The following PSORS1C1 variants were observed in gnomAD, a reference collection of about 807,000 sequenced individuals.
PSORS1C1 encodes psoriasis susceptibility 1 candidate gene 1 protein.
A neutral mutation model predicts 9.4 loss-of-function variants in PSORS1C1; 7 were observed. The observed-to-expected ratio is 0.75, with a 90% CI of 0.42 to 1.40. The LOEUF (loss-of-function observed/expected upper bound fraction) is 1.40. Ranked by LOEUF, PSORS1C1 falls within the 40% of genes most tolerant of loss-of-function variation. PSORS1C1 has a pLI of 0.01. For synonymous variants in PSORS1C1, 63 were observed against 69.4 expected (o/e 0.91, Z 0.46); for missense variants, 146 against 178.1 (o/e 0.82, Z 1.02).
intron 3 of PSORS1C1, among the ~76,000 whole-genome samples, chr6:31,135,842 G>GC (rs919077855): frequency 4.6e-5 from 7 of 152,208 alleles, no homozygotes; most frequent in Admixed American, 6.5e-5. Flanking sequence ...TTTGAGACAA[G>GC]CCCGGGCAAC....
chr6:31,139,399 G>T lies in PSORS1C1; in HGVS notation c.168-242G>T. On this transcript the variant is annotated intron_variant, in intron 5 of 5. Transcript: ENST00000259881. This position sits in a 1 kb window ranked among gnomAD's most constrained non-coding sequence, Gnocchi z 5.2. Reference sequence around the variant, plus strand: ...GCAACTATTGGAAGCCAAAGAATGGGAGCAAACCACGCGATGGGCGTTGGG... The same window carrying T: ...GCAACTATTGGAAGCCAAAGAATGGTAGCAAACCACGCGATGGGCGTTGGG... The T allele has an allele frequency of 1.7e-6, 1 of 594,326 alleles. No individual in the cohort carries two copies. The highest frequency in any genetic ancestry group is 3.0e-6 in the Non-Finnish European group (1 of 333,932). The allele number at this position is 594,326 out of a possible 1,614,324, so 36.8% of individuals were successfully genotyped here.
Position 31,140,010 on chromosome 6 carries a change from A to G in PSORS1C1, c.*78A>G, listed in dbSNP as rs549676441. ...AGTCTGTTAGCCTTTCAGAAGTAAC[A>G]TGTCCAAAATAAAATTTGATTCCTC... is the stretch of plus-strand genomic sequence containing the variant. On this transcript the variant is annotated 3_prime_UTR_variant, in exon 6 of 6. Transcript: ENST00000259881. The surrounding 1 kb of genome is among the most constrained non-coding windows in gnomAD (Gnocchi z 4.6). 9.7e-5 allele frequency: 134 copies of G among 1,374,446 alleles called. No homozygotes were observed. The highest frequency in any genetic ancestry group is 1.3e-4 in the Non-Finnish European group (126 of 989,236). 85.1% of individuals were successfully genotyped at this position (1,374,446 alleles called of 1,614,324 possible).
intron 1 of PSORS1C1, chr6:31,117,828 G>A (rs1244643960): frequency 7.2e-5 from 30 of 414,030 alleles, no homozygotes; most frequent in Non-Finnish European, 9.3e-5. Flanking sequence ...GCTGGGCACA[G>A]TGGCTCACGC....
chr6:31,138,406 C>T, intron 3 of PSORS1C1, 24 bp from the exon 4 acceptor site: 1 of 1,612,514 alleles, frequency 6.2e-7, no homozygotes, highest in Non-Finnish European at 8.5e-7. Context: ...TGGATGGACG[C>T]AGCCTGAACT....
rs1772116110 is a variant in PSORS1C1 at position 31,116,317 on chromosome 6, C to T, written c.-229+1426C>T. 4 of 1,613,834 alleles carry T rather than the reference C, an allele frequency of 2.5e-6. No homozygotes were observed. In the Middle Eastern group the frequency reaches 5.0e-4, roughly 200 times the overall value. ...GCCACTGGATTGGGAACTGGAGCTGCTGCTGAAGGAGCCGGTGCCTGGTGG... is the reference window on the plus strand; with the variant it reads ...GCCACTGGATTGGGAACTGGAGCTGTTGCTGAAGGAGCCGGTGCCTGGTGG... On this transcript the variant is annotated intron_variant, in intron 1 of 5. Transcript: ENST00000259881.
intron 1 of PSORS1C1, among the ~76,000 whole-genome samples, chr6:31,121,527 C>T (rs1358358648): frequency 6.6e-6 from 1 of 152,188 alleles, no homozygotes; most frequent in Non-Finnish European, 1.5e-5. Flanking sequence ...GTTGGCCTCC[C>T]TCCTGCTCTG....
chr6:31,132,392 C>A (rs1296437138), intron 3 of PSORS1C1, among the ~76,000 whole-genome samples: 2 of 145,078 alleles, frequency 1.4e-5, no homozygotes, highest in Non-Finnish European at 3.1e-5. Flanking sequence ...CATAGTGGCG[C>A]ATGCCTGTAA....
chr6:31,139,957 G>T lies in PSORS1C1; in HGVS notation c.*25G>T, dbSNP rs753921046. The T allele has an allele frequency of 1.3e-6, 2 of 1,591,844 alleles. No homozygotes were observed. Among genetic ancestry groups the T allele is most frequent in the South Asian group, 2.2e-5 (2 of 90,248 alleles). On this transcript the variant is annotated 3_prime_UTR_variant, in exon 6 of 6. Transcript: ENST00000259881. This position sits in a 1 kb window ranked among gnomAD's most constrained non-coding sequence, Gnocchi z 5.2. Reference sequence around the variant, plus strand: ...AGCCTCCCAGAGAGACCCCTAGAACGTTTCCCTCAAGGACCTTTCTGCCTG... The same window carrying T: ...AGCCTCCCAGAGAGACCCCTAGAACTTTTCCCTCAAGGACCTTTCTGCCTG...
In PSORS1C1 at chr6:31,117,015, C is replaced by T. The variant is rs3130983; in HGVS notation, c.-229+2124C>T. On this transcript the variant is annotated intron_variant, in intron 1 of 5. Coordinates refer to ENST00000259881, the MANE Select transcript of PSORS1C1 (RefSeq NM_014068.3). ...GGCCACTGCTGGATACCCCAAAGGT[C>T]TGGGAAGAGGAAGAGCTTTGTCCAG... 0.52 allele frequency: 832,474 copies of T among 1,613,822 alleles called. 220,029 individuals are homozygous for T. Among genetic ancestry groups the T allele is most frequent in the East Asian group, 0.69 (30,726 of 44,854 alleles).
intron 3 of PSORS1C1, among the ~76,000 whole-genome samples, chr6:31,136,185 G>A (rs530348386): frequency 3.3e-5 from 5 of 152,180 alleles, no homozygotes; most frequent in African/African-American, 7.2e-5. Flanking sequence ...TCAGGAATTC[G>A]AGACCAGCCT....
In PSORS1C1 at chr6:31,139,015, G is replaced by A; in HGVS notation, c.167+236G>A. 6.2e-7 allele frequency: 1 copy of A among 1,614,082 alleles called. No individual in the cohort carries two copies. Among genetic ancestry groups the A allele is most frequent in the Non-Finnish European group, 8.5e-7 (1 of 1,179,976 alleles). ...GGACCAGGATCCCCAGGAGCTTCCA[G>A]TTGAGGATCATGGCTATGTACTGGC... is the stretch of plus-strand genomic sequence containing the variant. On this transcript the variant is annotated intron_variant, in intron 5 of 5. Transcript: ENST00000259881. The surrounding 1 kb of genome is among the most constrained non-coding windows in gnomAD (Gnocchi z 5.2).
At chr6:31,132,272 G>C (rs10947138) in intron 3 of PSORS1C1, among the ~76,000 whole-genome samples, 6,690 of 151,992 alleles carry the variant, frequency 0.044, 196 homozygotes, top group South Asian at 0.11. Context: ...CTGTAATCTC[G>C]ACACTTTGGG....
Position 31,116,828 on chromosome 6 carries a change from C to G in PSORS1C1, c.-229+1937C>G, listed in dbSNP as rs757493342. 16 of 1,614,050 alleles carry G rather than the reference C, an allele frequency of 9.9e-6. No homozygotes were observed. The highest frequency in any genetic ancestry group is 1.3e-5 in the Non-Finnish European group (15 of 1,179,978). On this transcript the variant is annotated intron_variant, in intron 1 of 5. Transcript: ENST00000259881. ...GGACCTTGAACCACTCCAGGGGCAC[C>G]AGAACCGTGCTGGTCCACCACCACC...
chr6:31,138,525 C>T (rs28732101), intron 4 of PSORS1C1, 66 bp downstream of exon 4: 74,278 of 1,604,034 alleles, frequency 0.046, 2,073 homozygotes, highest in South Asian at 0.077. Context: ...GGATCTGAAC[C>T]GTTCACTTGA....
At chr6:31,120,277 C>A (rs1316849295) in intron 1 of PSORS1C1, 16 of 1,339,308 alleles carry the variant, frequency 1.2e-5, no homozygotes, top group Non-Finnish European at 1.7e-5. Context: ...TTCGCTGGGT[C>A]CTCTCCCGGA....
chr6:31,138,001 G>T, intron 3 of PSORS1C1: 2 of 1,516,104 alleles, frequency 1.3e-6, no homozygotes, highest in South Asian at 2.7e-5. Flanking sequence ...TCCTGAGGTC[G>T]GTTGTCCACC....
At chr6:31,130,805 C>T in intron 3 of PSORS1C1, among the ~76,000 whole-genome samples, 1 of 152,044 alleles carries the variant, frequency 6.6e-6, no homozygotes, top group Non-Finnish European at 1.5e-5. Flanking sequence ...GCCTTGGCCT[C>T]CCAAAGTGCT....
At chr6:31,121,527 C>A (rs1358358648) in intron 1 of PSORS1C1, among the ~76,000 whole-genome samples, 4 of 152,188 alleles carry the variant, frequency 2.6e-5, no homozygotes, top group African/African-American at 9.7e-5. Context: ...GTTGGCCTCC[C>A]TCCTGCTCTG....
At chr6:31,136,096 GC>G (rs2150976014) in intron 3 of PSORS1C1, among the ~76,000 whole-genome samples, 1 of 151,024 alleles carries the variant, frequency 6.6e-6, no homozygotes, top group Non-Finnish European at 1.5e-5. Context: ...TATTGAAAAT[GC>G]ATCTCTTGGC....
Sources: allele counts gnomAD v4.1 joint callset (sites outside exome capture counted in the v4.1 genomes callset), GRCh38; gene constraint gnomAD v4.1.1; non-coding constraint Gnocchi (gnomAD v3.1); transcripts MANE v1.5; gene names NCBI Gene and HGNC (gene_info 2026-07-23, HGNC 2026-07-21).